Variants in SLC6A12 observed in about 807,000 individuals in gnomAD.
SLC6A12 encodes the protein solute carrier family 6 member 12, also known as sodium- and chloride-dependent betaine transporter.
A neutral mutation model predicts 73.3 loss-of-function variants in SLC6A12; 50 were observed. The observed-to-expected ratio is 0.68, with a 90% CI of 0.54 to 0.86. The LOEUF is 0.86. Ranked by LOEUF, SLC6A12 falls within the 40% of genes least tolerant of loss-of-function variation. The pLI is 0.00. For synonymous variants in SLC6A12, 304 were observed against 309.2 expected (o/e 0.98, Z 0.18); for missense variants, 648 against 772.8 (o/e 0.84, Z 1.92).
chr12:210,252 G>A (rs1940849707), intron 2 of SLC6A12: 2 of 1,132,038 alleles, frequency 1.8e-6, no homozygotes, highest in South Asian at 1.7e-5. Context: ...CTTGGCAGAT[G>A]AAGTGATTCA....
intron 13 of SLC6A12, among the ~76,000 whole-genome samples, chr12:194,868 T>C (rs12319731): frequency 0.034 from 5,200 of 152,236 alleles, 172 homozygotes; most frequent in South Asian, 0.16. Flanking sequence ...GTGTGGGAGT[T>C]TGCGGAGGAT....
At chr12:204,415 C>G in intron 4 of SLC6A12, 149 bp downstream of exon 4, 2 of 789,098 alleles carry the variant, frequency 2.5e-6, no homozygotes, top group Admixed American at 4.3e-5. Flanking sequence ...CTCTCTCCGG[C>G]CCACCCATGA....
chr12:204,782 AC>A (rs1407570320), intron 3 of SLC6A12, 84 bp from the exon 4 acceptor site: 1 of 1,469,926 alleles, frequency 6.8e-7, no homozygotes, highest in African/African-American at 1.4e-5. Flanking sequence ...CCCCCAACAA[AC>A]CCGCCCTCCA....
chr12:187,589 C>CAAAAAAAAAAAAAA (rs761187495), downstream of SLC6A12, among the ~76,000 whole-genome samples: 107 of 106,020 alleles, frequency 1.0e-3, 2 homozygotes, highest in Middle Eastern at 4.5e-3. Context: ...TGCAAAAGAG[C>CAAAAAAAAAAAAAA]AAAAAAAAAA....
Position 200,200 on chromosome 12 carries a change from C to T in SLC6A12, c.711+451G>A, listed in dbSNP as rs981766948. On this transcript the variant is annotated intron_variant, in intron 7 of 15. Transcript: ENST00000684302. ...CTCGGCTCACTGCAAGCTCCGCCTC[C>T]CGGGTTCACGCCATTCTCCTGCCTC... 1.5e-4 allele frequency among the ~76,000 whole-genome samples: 23 copies of T among 150,876 alleles called. No homozygotes were observed. In the East Asian group the frequency reaches 2.3e-3, roughly 15 times the overall value.
intron 2 of SLC6A12, chr12:210,414 T>C: frequency 9.2e-7 from 1 of 1,086,550 alleles, no homozygotes; most frequent in Non-Finnish European, 1.1e-6. Context: ...GCCTAGCCTC[T>C]GGCCTCCAGG....
chr12:211,829 C>G (rs1000451702), intron 2 of SLC6A12, among the ~76,000 whole-genome samples, 197 bp downstream of exon 2: 1 of 152,204 alleles, frequency 6.6e-6, no homozygotes, highest in Non-Finnish European at 1.5e-5. Flanking sequence ...AGGTTGACAT[C>G]TGAGTCAGCA....
At chr12:197,156 TC>T (rs1939934162) in intron 10 of SLC6A12, among the ~76,000 whole-genome samples, 2 of 96,178 alleles carry the variant, frequency 2.1e-5, no homozygotes, top group African/African-American at 3.8e-5. Context: ...CATCCATCCA[TC>T]CATCCATCCA....
In SLC6A12 at chr12:193,392, C is replaced by T. The variant is rs200299625; in HGVS notation, c.1430-15G>A. 303 of 1,599,430 alleles carry T rather than the reference C, an allele frequency of 1.9e-4. No homozygotes were observed. Among genetic ancestry groups the T allele is most frequent in the Non-Finnish European group, 2.5e-4 (289 of 1,167,426 alleles). On this transcript the variant is annotated splice_polypyrimidine_tract_variant and intron_variant, in intron 13 of 15. Transcript: ENST00000684302. ...ACGGTCCGCCCCTGAGCAGGCATGG[C>T]GTGGGAGAGTGTGAGAGCCAGAGGG...
At chr12:196,082 C>A (rs1450468919) in intron 12 of SLC6A12, 42 bp downstream of exon 12, 1 of 1,541,992 alleles carries the variant, frequency 6.5e-7, no homozygotes, top group Non-Finnish European at 8.8e-7. Flanking sequence ...CCGTGGCTCC[C>A]TCCCCTGGAG....
downstream of SLC6A12, among the ~76,000 whole-genome samples, chr12:185,190 G>A (rs940146739): frequency 2.0e-5 from 3 of 152,250 alleles, no homozygotes; most frequent in Admixed American, 2.0e-4. Flanking sequence ...AGGCTGGACA[G>A]TGAGCCCAGG....
At chr12:189,162 G>A (rs1939499121), downstream of SLC6A12, among the ~76,000 whole-genome samples, 1 of 152,182 alleles carries the variant, frequency 6.6e-6, no homozygotes, top group Non-Finnish European at 1.5e-5. Flanking sequence ...GGAGAAGGCG[G>A]CGGGAAGTAC....
intron 2 of SLC6A12, chr12:211,300 C>T (rs181018701): frequency 7.9e-5 from 12 of 152,360 alleles, no homozygotes; most frequent in Admixed American, 6.5e-5. Context: ...GTTAGAAAGG[C>T]GTGGGCAGGA....
At chr12:192,762 A>G (rs1175223268) in intron 14 of SLC6A12, 114 bp from the exon 15 acceptor site, 1 of 958,818 alleles carries the variant, frequency 1.0e-6, no homozygotes, top group East Asian at 2.4e-5. Context: ...CACGTCTGTA[A>G]GGTGGAAGAG....
intron 4 of SLC6A12, chr12:204,201 G>A (rs1940492562): frequency 1.2e-5 from 3 of 254,026 alleles, no homozygotes; most frequent in South Asian, 1.2e-4. Flanking sequence ...TCTGGCGGAG[G>A]CACAGCACCC....
In SLC6A12 at chr12:198,132, C is replaced by T. The variant is rs2137137198; in HGVS notation, c.847-129G>A. 2.9e-6 allele frequency: 2 copies of T among 678,594 alleles called. No individual in the cohort carries two copies. The highest frequency in any genetic ancestry group is 5.2e-6 in the Non-Finnish European group (2 of 386,408). 42.0% of individuals were successfully genotyped at this position (678,594 alleles called of 1,614,324 possible). ...GTGCTCCCTGAGCGCTTCCCTCCTG[C>T]ATCCCAACTCTCCGTGAGTGCGCCC... On this transcript the variant is annotated intron_variant, in intron 8 of 15. Transcript: ENST00000684302. The surrounding 1 kb of genome is among the most constrained non-coding windows in gnomAD (Gnocchi z 4.0).
chr12:195,213 C>T lies in SLC6A12; in HGVS notation c.1429+12G>A. ...CCCACCCTGCTTTCCCACCCCACTC[C>T]ACCCCACTCACCATACACCCAGCTT... is the stretch of plus-strand genomic sequence containing the variant. On this transcript the variant is annotated intron_variant, in intron 13 of 15. Transcript: ENST00000684302. 6.4e-7 allele frequency: 1 copy of T among 1,558,316 alleles called. No homozygotes were observed. The highest frequency in any genetic ancestry group is 1.1e-5 in the South Asian group (1 of 89,624).
intron 11 of SLC6A12, 46 bp downstream of exon 11, chr12:196,724 G>T (rs1384570553): frequency 5.8e-6 from 8 of 1,376,582 alleles, no homozygotes; most frequent in African/African-American, 1.4e-5. Flanking sequence ...GCAAAGGCTT[G>T]CAAGAGGGTC....
chr12:205,969 C>T (rs1044739277), intron 3 of SLC6A12, among the ~76,000 whole-genome samples: 6 of 152,170 alleles, frequency 3.9e-5, no homozygotes, highest in African/African-American at 1.4e-4. Context: ...AGACCACTGT[C>T]CACATCCTCG....
Sources: allele counts gnomAD v4.1 joint callset (sites outside exome capture counted in the v4.1 genomes callset), GRCh38; gene constraint gnomAD v4.1.1; non-coding constraint Gnocchi (gnomAD v3.1); transcripts MANE v1.5; gene names NCBI Gene and HGNC (gene_info 2026-07-23, HGNC 2026-07-21).